SLC6A5: variants seen among roughly 807,000 people sequenced by gnomAD.
SLC6A5 encodes the protein solute carrier family 6 member 5.
A neutral mutation model predicts 90.5 loss-of-function variants in SLC6A5; 58 were observed. The ratio of observed to expected loss-of-function variants is 0.64; its 90% CI spans 0.52 to 0.80. SLC6A5 has a LOEUF of 0.80. Ranked by LOEUF, SLC6A5 falls within the 30% of genes least tolerant of loss-of-function variation. The probability of loss-of-function intolerance (pLI) is 0.00; values close to 1 mark genes in which losing one functional copy is unlikely to be tolerated. For synonymous variants in SLC6A5, 427 were observed against 401.4 expected (o/e 1.06, Z -0.76); for missense variants, 1,015 against 1,017.6 (o/e 1.00, Z 0.03).
chr11:20,658,098 T>C lies in SLC6A5; in HGVS notation c.*3230T>C, dbSNP rs1853659330. 1 of 152,184 alleles carries C rather than the reference T, an allele frequency of 6.6e-6. No homozygotes were observed. The highest frequency in any genetic ancestry group is 6.5e-5 in the Admixed American group (1 of 15,280). 9.4% of individuals were successfully genotyped at this position (152,184 alleles called of 1,614,324 possible). A position where few individuals can be genotyped will look rare whatever the true frequency, so the allele number is the denominator to read the frequency against. ...TTTAACATGATGACCTTTAAATGGA[T>C]AGGACTTGGGTTGTTTTTATGGTAA... On this transcript the variant is annotated 3_prime_UTR_variant, in exon 16 of 16. Transcript: ENST00000525748.
At chr11:20,603,613 C>G (rs1353384159) in intron 2 of SLC6A5, among the ~76,000 whole-genome samples, 2 of 152,100 alleles carry the variant, frequency 1.3e-5, no homozygotes, top group African/African-American at 4.8e-5. Flanking sequence ...TGTTTGTTTT[C>G]CGTCTTGTTT....
intron 13 of SLC6A5, among the ~76,000 whole-genome samples, chr11:20,644,164 A>G (rs755702990): frequency 5.3e-5 from 8 of 152,226 alleles, no homozygotes; most frequent in Admixed American, 2.6e-4. Context: ...TGACATTTCT[A>G]TCACCTCATA....
intron 7 of SLC6A5, among the ~76,000 whole-genome samples, chr11:20,619,701 A>C (rs1852853728): frequency 6.6e-6 from 1 of 152,018 alleles, no homozygotes; most frequent in Non-Finnish European, 1.5e-5. Context: ...CCTCATTTCT[A>C]AGGTGAGGGT....
chr11:20,628,817 TG>T (rs1853052350), intron 9 of SLC6A5, among the ~76,000 whole-genome samples: 1 of 152,140 alleles, frequency 6.6e-6, no homozygotes, highest in South Asian at 2.1e-4. Context: ...GCTGAGAGCT[TG>T]AAAATCTAGA....
intron 6 of SLC6A5, among the ~76,000 whole-genome samples, chr11:20,617,036 C>T (rs974157783): frequency 6.6e-6 from 1 of 152,212 alleles, no homozygotes. Context: ...CCTGAAGCTG[C>T]CTCCTTTCCT....
chr11:20,652,231 G>T, intron 14 of SLC6A5, 58 bp from the exon 15 acceptor site: 2 of 1,512,318 alleles, frequency 1.3e-6, no homozygotes, highest in Non-Finnish European at 9.2e-7. Flanking sequence ...TAATAGTGTT[G>T]AGTGCTTGAA....
chr11:20,651,266 C>A, intron 14 of SLC6A5, among the ~76,000 whole-genome samples: 1 of 137,076 alleles, frequency 7.3e-6, no homozygotes, highest in East Asian at 2.3e-4. Context: ...TCTCCCCCAC[C>A]CCTCCTATGC....
chr11:20,626,724 C>G lies in SLC6A5; in HGVS notation c.1277C>G (p.Ala426Gly), dbSNP rs375955428. ...KTSGKVVYFTATFPYVVLVIL... is the reference protein window; with the variant it reads ...KTSGKVVYFTGTFPYVVLVIL... ...CTTTTCTAGGTGGTGTACTTCACGGCCACGTTCCCGTATGTCGTACTCGTG... is the reference window on the plus strand; with the variant it reads ...CTTTTCTAGGTGGTGTACTTCACGGGCACGTTCCCGTATGTCGTACTCGTG... Residue 426 changes from alanine to glycine, a missense_variant, in exon 8 of 16, where the codon GCC (alanine) becomes GGC (glycine). Physicochemically the swap from Ala to Gly is moderately conservative, Grantham distance 60. This residue lies in a region of SLC6A5 where 442 missense variants were observed against 494.3 expected (regional missense o/e 0.89). Transcript: ENST00000525748. 162 of 1,613,988 alleles carry G rather than the reference C, an allele frequency of 1.0e-4. No homozygotes were observed. Among genetic ancestry groups the G allele is most frequent in the Non-Finnish European group, 1.3e-4 (153 of 1,179,976 alleles).
intron 9 of SLC6A5, among the ~76,000 whole-genome samples, chr11:20,630,285 T>G (rs967009325): frequency 2.0e-5 from 3 of 152,196 alleles, no homozygotes; most frequent in African/African-American, 7.2e-5. Context: ...CTTCAGCCTA[T>G]TTTATAAGGG....
chr11:20,636,435 A>C lies in SLC6A5; in HGVS notation c.1737+16A>C, dbSNP rs1203613110. 1 of 1,460,010 alleles carries C rather than the reference A, an allele frequency of 6.8e-7. No individual in the cohort carries two copies. 90.4% of individuals were successfully genotyped at this position (1,460,010 alleles called of 1,614,324 possible). On this transcript the variant is annotated intron_variant, in intron 11 of 15. Transcript: ENST00000525748. ...TGACACTATGGTGAGCCCCTTTTCC[A>C]TCAGTCTCTATCCCATGCTCCTCTT...
Position 20,607,529 on chromosome 11 carries a change from A to T in SLC6A5, c.862A>T (p.Asn288Tyr). Residue 288 changes from asparagine (N) to tyrosine (Y), a missense_variant, in exon 5 of 16, where the codon AAT becomes TAT. Asn to Tyr is a moderately radical substitution (Grantham distance 143, BLOSUM62 -2). This residue lies in a region of SLC6A5 where 567 missense variants were observed against 507.3 expected (regional missense o/e 1.12). Coordinates refer to ENST00000525748, the MANE Select transcript of SLC6A5 (RefSeq NM_004211.5). ...CTCTGTCCTAATAGCCATATACTAC[A>T]ATGTGATTATTTGCTATACACTTTT... ...IISVLIAIYY[N>Y]VIICYTLFYL... 1.2e-6 allele frequency: 2 copies of T among 1,614,130 alleles called. No homozygotes were observed. Among genetic ancestry groups the T allele is most frequent in the Admixed American group, 1.7e-5 (1 of 60,022 alleles).
chr11:20,616,568 A>G (rs1852786401), intron 6 of SLC6A5, among the ~76,000 whole-genome samples: 2 of 152,146 alleles, frequency 1.3e-5, no homozygotes, highest in South Asian at 2.1e-4. Context: ...TGTTGACTAT[A>G]TGGTTTACCT....
At chr11:20,654,402 T>C (rs1213416420) in intron 15 of SLC6A5, among the ~76,000 whole-genome samples, 2 of 152,204 alleles carry the variant, frequency 1.3e-5, no homozygotes, top group Admixed American at 6.5e-5. Flanking sequence ...GGAAAAAATA[T>C]ATAATTAAAA....
chr11:20,609,779 A>G (rs1852660497), intron 5 of SLC6A5, among the ~76,000 whole-genome samples: 1 of 152,208 alleles, frequency 6.6e-6, no homozygotes, highest in African/African-American at 2.4e-5. Context: ...CAAGGGACAC[A>G]TTCCATGGGG....
intron 3 of SLC6A5, among the ~76,000 whole-genome samples, chr11:20,606,634 A>T (rs116245133): frequency 0.018 from 2,753 of 152,192 alleles, 93 homozygotes; most frequent in African/African-American, 0.061. Context: ...GATTTCACCA[A>T]CCTGAATCCA....
At chr11:20,641,719 A>G (rs2133814010) in intron 13 of SLC6A5, among the ~76,000 whole-genome samples, 1 of 152,170 alleles carries the variant, frequency 6.6e-6, no homozygotes, top group African/African-American at 2.4e-5. Flanking sequence ...CTCATTAATA[A>G]CTCACACAGG....
chr11:20,605,714 G>A (rs12288053), intron 3 of SLC6A5, among the ~76,000 whole-genome samples: 13,480 of 152,306 alleles, frequency 0.089, 2,000 homozygotes, highest in African/African-American at 0.31. Flanking sequence ...AGAGCGGCGG[G>A]GCAGATCTCA....
chr11:20,645,639 T>G (rs1382718726), intron 13 of SLC6A5, among the ~76,000 whole-genome samples: 3 of 141,972 alleles, frequency 2.1e-5, no homozygotes, highest in African/African-American at 7.6e-5. Flanking sequence ...TGAAGTGTTT[T>G]TTTTTTTTTT....
intron 14 of SLC6A5, among the ~76,000 whole-genome samples, chr11:20,649,945 C>T (rs73450288): frequency 0.021 from 3,146 of 152,254 alleles, 110 homozygotes; most frequent in African/African-American, 0.072. Flanking sequence ...TGTCTTTGGG[C>T]TCATGTTGCT....
Sources: gnomAD v4.1 joint callset for allele counts (sites outside exome capture counted in the v4.1 genomes callset) on GRCh38, gnomAD v4.1.1 for gene constraint, gnomAD v4.1.1 regional missense constraint, MANE v1.5 for transcripts, NCBI Gene and HGNC (gene_info 2026-07-23, HGNC 2026-07-21) for gene names.